The following GEMIN7 variants were observed in gnomAD, a reference collection of about 807,000 sequenced individuals.
GEMIN7 encodes the protein gem nuclear organelle associated protein 7, also known as gem-associated protein 7.
Under a neutral mutation model 7.8 loss-of-function variants are expected in GEMIN7, and 7 were observed. The ratio of observed to expected loss-of-function variants is 0.90; its 90% CI spans 0.51 to 1.69. GEMIN7 has a LOEUF of 1.69. Among genes scored for constraint, GEMIN7 ranks in the 40% most tolerant of loss-of-function variants. The pLI is 0.00. For synonymous variants in GEMIN7, 68 were observed against 72.4 expected, an observed-to-expected ratio of 0.94 and a Z score of 0.31; for missense variants, 159 against 176.2, an observed-to-expected ratio of 0.90 and a Z score of 0.55.
upstream of GEMIN7, chr19:45,076,326 C>T: frequency 2.1e-6 from 3 of 1,403,526 alleles, no homozygotes; most frequent in Non-Finnish European, 2.8e-6. This position sits in a 1 kb window ranked among gnomAD's most constrained non-coding sequence, Gnocchi z 4.9. Flanking sequence ...TGGCGGCGGG[C>T]GCGGGCTCTA....
At chr19:45,075,829 A>C, upstream of GEMIN7, 1 of 1,614,040 alleles carries the variant, frequency 6.2e-7, no homozygotes, top group Non-Finnish European at 8.5e-7. Context: ...GCAGGTCAAC[A>C]GATCTGGGTG....
At chr19:45,084,646 C>G (rs1967618530) in intron 2 of GEMIN7, among the ~76,000 whole-genome samples, 1 of 152,206 alleles carries the variant, frequency 6.6e-6, no homozygotes. Context: ...CACAATATCT[C>G]AGCTCACTGC....
chr19:45,078,769 G>C (rs1008564737), upstream of GEMIN7, among the ~76,000 whole-genome samples: 1 of 152,154 alleles, frequency 6.6e-6, no homozygotes, highest in Non-Finnish European at 1.5e-5. Context: ...CCCCATTCAA[G>C]GCCTCAGTTT....
upstream of GEMIN7, chr19:45,075,904 G>C: frequency 6.2e-7 from 1 of 1,610,518 alleles, no homozygotes. Context: ...GTGGGGCCAG[G>C]ATGGGGGCTG....
At chr19:45,086,471 T>C (rs1967692724) in intron 2 of GEMIN7, among the ~76,000 whole-genome samples, 1 of 152,162 alleles carries the variant, frequency 6.6e-6, no homozygotes, top group African/African-American at 2.4e-5. Context: ...AGCATTTCCC[T>C]ATACACATTC....
upstream of GEMIN7, among the ~76,000 whole-genome samples, chr19:45,078,056 G>T (rs1452886182): frequency 6.6e-6 from 1 of 150,506 alleles, no homozygotes; most frequent in Non-Finnish European, 1.5e-5. Flanking sequence ...TAAGTTCCAT[G>T]GCAACCCAGC....
chr19:45,077,116 G>T (rs12982453), upstream of GEMIN7, among the ~76,000 whole-genome samples: 1 of 152,172 alleles, frequency 6.6e-6, no homozygotes, highest in Admixed American at 6.5e-5. Flanking sequence ...AGGAAGCCCA[G>T]CCAGTGGGCC....
Position 45,090,148 on chromosome 19 carries a change from C to T in GEMIN7, c.34C>T (p.Leu12Phe). The change falls in exon 3 of 3, where the codon CTC (leucine) becomes TTC (phenylalanine). Residue 12 changes from leucine to phenylalanine, a missense_variant. Physicochemically the swap from Leu to Phe is conservative, Grantham distance 22. Coordinates refer to ENST00000270257, the MANE Select transcript of GEMIN7 (RefSeq NM_024707.3). Reference protein sequence around the residue: ...QTPVNIPVPVLRLPRGPDGFS... With the variant: ...QTPVNIPVPVFRLPRGPDGFS... ...TCCAGTGAACATTCCCGTGCCTGTG[C>T]TCCGGCTGCCCCGGGGCCCTGATGG... 6.2e-7 allele frequency: 1 copy of T among 1,613,718 alleles called. No homozygotes were observed. Among genetic ancestry groups the T allele is most frequent in the Non-Finnish European group, 8.5e-7 (1 of 1,179,784 alleles).
chr19:45,090,304 G>A lies in GEMIN7; in HGVS notation c.190G>A (p.Glu64Lys), dbSNP rs774565665. 6.2e-7 allele frequency: 1 copy of A among 1,614,188 alleles called. No individual in the cohort carries two copies. The highest frequency in any genetic ancestry group is 8.5e-7 in the Non-Finnish European group (1 of 1,180,046). Residue 64 changes from glutamate (E) to lysine (K), a missense_variant, in exon 3 of 3, where the codon GAG becomes AAG. Glu to Lys is a moderately conservative substitution (Grantham distance 56, BLOSUM62 1). Transcript: ENST00000270257. ...GCAGCGGGCACGAGCCGCCCTTCGG[G>A]AGCGTTACCTCCGCAGCCTGCTGGC... is the stretch of plus-strand genomic sequence containing the variant. ...QEQRARAALRERYLRSLLAMV... is the reference protein window; with the variant it reads ...QEQRARAALRKRYLRSLLAMV...
chr19:45,076,218 G>A (rs2122638981), upstream of GEMIN7: 2 of 1,507,266 alleles, frequency 1.3e-6, no homozygotes. The surrounding 1 kb of genome is among the most constrained non-coding windows in gnomAD (Gnocchi z 4.9). Flanking sequence ...CCTCCTTCGG[G>A]GAGAAGGGCC....
At chr19:45,086,994 G>C (rs972667488) in intron 2 of GEMIN7, among the ~76,000 whole-genome samples, 2 of 151,676 alleles carry the variant, frequency 1.3e-5, no homozygotes, top group Non-Finnish European at 2.9e-5. Context: ...TTACAGGCAC[G>C]TGCCACCATG....
intron 2 of GEMIN7, among the ~76,000 whole-genome samples, chr19:45,080,755 CTTGTTTT>C (rs1344251106): frequency 1.2e-4 from 12 of 103,018 alleles, no homozygotes; most frequent in Admixed American, 6.5e-4. Flanking sequence ...CCAAATCTCC[CTTGTTTT>C]TTGTTTTTTT....
intron 2 of GEMIN7, among the ~76,000 whole-genome samples, chr19:45,083,219 G>T (rs1456606743): frequency 1.3e-5 from 2 of 152,214 alleles, no homozygotes; most frequent in Non-Finnish European, 2.9e-5. Flanking sequence ...GCTGAACTGG[G>T]GGTGGGTCAC....
At chr19:45,088,725 TA>T (rs912150722) in intron 2 of GEMIN7, 4 of 149,208 alleles carry the variant, frequency 2.7e-5, no homozygotes, top group African/African-American at 2.5e-5. Context: ...CTTTAAAATT[TA>T]AAAAAAAAAG....
chr19:45,076,020 G>A, upstream of GEMIN7: 1 of 1,570,496 alleles, frequency 6.4e-7, no homozygotes, highest in African/African-American at 1.4e-5. This position sits in a 1 kb window ranked among gnomAD's most constrained non-coding sequence, Gnocchi z 4.9. Context: ...AAAGGGAAGG[G>A]TCCCACCCGA....
intron 2 of GEMIN7, among the ~76,000 whole-genome samples, chr19:45,086,675 T>C (rs1338854134): frequency 1.3e-5 from 2 of 152,148 alleles, no homozygotes; most frequent in African/African-American, 2.4e-5. Flanking sequence ...TTCACTATTA[T>C]GGAGAACCTA....
upstream of GEMIN7, chr19:45,076,507 T>A: frequency 1.6e-6 from 1 of 627,176 alleles, no homozygotes; most frequent in Non-Finnish European, 2.2e-6. This position sits in a 1 kb window ranked among gnomAD's most constrained non-coding sequence, Gnocchi z 4.9. Flanking sequence ...CTCTTACACG[T>A]GCTGGCCGGG....
chr19:45,084,079 CG>C (rs1967594261), intron 2 of GEMIN7, among the ~76,000 whole-genome samples: 1 of 151,712 alleles, frequency 6.6e-6, no homozygotes, highest in Non-Finnish European at 1.5e-5. Flanking sequence ...GGCGTGGTCG[CG>C]GGCACCTGTA....
At chr19:45,082,197 C>T (rs1323354748) in intron 2 of GEMIN7, among the ~76,000 whole-genome samples, 1 of 152,112 alleles carries the variant, frequency 6.6e-6, no homozygotes, top group Non-Finnish European at 1.5e-5. Context: ...AAGGCACTCT[C>T]TCTGTCCCTG....
Sources: allele counts gnomAD v4.1 joint callset (sites outside exome capture counted in the v4.1 genomes callset), GRCh38; gene constraint gnomAD v4.1.1; non-coding constraint Gnocchi (gnomAD v3.1); transcripts MANE v1.5; gene names NCBI Gene and HGNC (gene_info 2026-07-23, HGNC 2026-07-21).